The following PRPF18 variants were observed in gnomAD, a reference collection of about 807,000 sequenced individuals.
The protein encoded by PRPF18 is pre-mRNA-splicing factor 18.
In PRPF18, 38 loss-of-function variants were observed where a neutral mutation model predicts 46.5. The observed-to-expected ratio is 0.82, with a 90% CI of 0.63 to 1.07. The LOEUF is 1.07. PRPF18 is among the 50% of genes least tolerant of loss of function. The probability of loss-of-function intolerance (pLI) is 0.00; values close to 1 mark genes in which losing one functional copy is unlikely to be tolerated. For missense variants in PRPF18, 263 were observed against 410.0 expected, an observed-to-expected ratio of 0.64 and a Z score of 3.10; for synonymous variants, 152 against 146.7, an observed-to-expected ratio of 1.04 and a Z score of -0.26.
chr10:13,613,816 A>G lies in PRPF18; in HGVS notation c.655A>G (p.Asn219Asp), dbSNP rs779059451. The G allele has an allele frequency of 2.5e-6, 4 of 1,614,142 alleles. No individual in the cohort carries two copies. The South Asian group carries it at 4.4e-5, about 18-fold the overall frequency. ...YVKRSVQGKL[N>D]SATQKQTESY... ...GAAACGCAGTGTGCAGGGTAAACTG[A>G]ACAGTGCGACCCAGAAACAGACCGA... Residue 219 changes from asparagine (N) to aspartate (D), a missense_variant, in exon 7 of 10, where the codon AAC (asparagine) becomes GAC (aspartate). Transcript: ENST00000378572.
intron 4 of PRPF18, among the ~76,000 whole-genome samples, chr10:13,607,304 C>T (rs2080203482): frequency 6.6e-6 from 1 of 151,972 alleles, no homozygotes; most frequent in Non-Finnish European, 1.5e-5. Flanking sequence ...TTTGTATATT[C>T]TGGATAGAAG....
intron 1 of PRPF18, among the ~76,000 whole-genome samples, chr10:13,590,406 G>C: frequency 6.7e-6 from 1 of 148,680 alleles, no homozygotes; most frequent in Admixed American, 6.7e-5. Context: ...GACCATCCTG[G>C]CTAACACGGT....
chr10:13,647,018 C>A, the PRPF18 span: 6 of 971,652 alleles, frequency 6.2e-6, no homozygotes, highest in Admixed American at 6.2e-5. Context: ...ATCCAGGAAA[C>A]AGCTATCATT....
intron 8 of PRPF18, among the ~76,000 whole-genome samples, chr10:13,614,366 G>A (rs954745508): frequency 2.0e-5 from 3 of 152,116 alleles, no homozygotes; most frequent in Non-Finnish European, 4.4e-5. Flanking sequence ...CTTTATATAG[G>A]CAGTGTTCAT....
chr10:13,621,016 C>T (rs1197149712), intron 9 of PRPF18, among the ~76,000 whole-genome samples: 1 of 152,170 alleles, frequency 6.6e-6, no homozygotes, highest in Non-Finnish European at 1.5e-5. Context: ...TAACCCCTGG[C>T]CCAGACTTTG....
rs1432824460 is a variant in PRPF18, at chr10:13,587,171, T to C, written c.66+19T>C. On this transcript the variant is annotated intron_variant, in intron 1 of 9. Coordinates refer to ENST00000378572, the MANE Select transcript of PRPF18 (RefSeq NM_003675.4). ...GCTGGTGGTGAGGACCCTGCGGTCG[T>C]GGGGGTCGGGATGTAAGAGTGAGAG... is the stretch of plus-strand genomic sequence containing the variant. 1 of 1,606,526 alleles carries C rather than the reference T, an allele frequency of 6.2e-7. No homozygotes were observed. Among genetic ancestry groups the C allele is most frequent in the African/African-American group, 1.3e-5 (1 of 74,530 alleles).
At chr10:13,653,110 G>A in the PRPF18 span, 1 of 152,006 alleles carries the variant, frequency 6.6e-6, no homozygotes, top group East Asian at 1.9e-4. Context: ...ATGTGTGTTA[G>A]AAGCTGCTCG....
the PRPF18 span, chr10:13,645,751 C>T: frequency 6.6e-6 from 1 of 152,518 alleles, no homozygotes; most frequent in African/African-American, 2.4e-5. Flanking sequence ...GAATAAGTGA[C>T]ACATAGGAGA....
the PRPF18 span, chr10:13,651,980 C>T: frequency 6.5e-7 from 1 of 1,535,112 alleles, no homozygotes; most frequent in Non-Finnish European, 9.0e-7. Flanking sequence ...CTTCTCTGAA[C>T]AAAGGAAAGC....
chr10:13,626,902 T>C (rs968573323), intron 9 of PRPF18, among the ~76,000 whole-genome samples: 1 of 152,124 alleles, frequency 6.6e-6, no homozygotes. Flanking sequence ...ATGTCAAAGC[T>C]TGATGGTTCT....
chr10:13,609,692 TG>T (rs1246130038), intron 4 of PRPF18, among the ~76,000 whole-genome samples: 1 of 152,190 alleles, frequency 6.6e-6, no homozygotes, highest in Non-Finnish European at 1.5e-5. Context: ...GCAAACGGGT[TG>T]GGGACTCTAA....
chr10:13,590,538 G>A (rs1007587683), intron 1 of PRPF18, among the ~76,000 whole-genome samples: 12 of 150,110 alleles, frequency 8.0e-5, no homozygotes, highest in Admixed American at 1.3e-4. Context: ...GGAGAATGGC[G>A]TGAACCCGGG....
At chr10:13,590,634 AAAAAT>A (rs1295001455) in intron 1 of PRPF18, among the ~76,000 whole-genome samples, 1 of 149,364 alleles carries the variant, frequency 6.7e-6, no homozygotes, top group Non-Finnish European at 1.5e-5. Flanking sequence ...AAAAAAAAAA[AAAAAT>A]ACTGACATTC....
At chr10:13,649,850 C>G in the PRPF18 span, among the ~76,000 whole-genome samples, 1 of 152,174 alleles carries the variant, frequency 6.6e-6, no homozygotes, top group South Asian at 2.1e-4. Context: ...AATGGGGCCA[C>G]TAAATAGTTG....
chr10:13,647,666 C>G, the PRPF18 span: 1 of 149,972 alleles, frequency 6.7e-6, no homozygotes, highest in Non-Finnish European at 1.5e-5. Flanking sequence ...AAATAACATG[C>G]ATTGTTTTGT....
rs150062159 is a variant in PRPF18 at position 13,592,400 on chromosome 10, T to G, written c.67-5058T>G. On this transcript the variant is annotated intron_variant, in intron 1 of 9. Transcript: ENST00000378572. ...CGGGTCAGGGATCAGTAGATTGTTG[T>G]CATTACCGCATCTGTAGCTGGAAAA... is the stretch of plus-strand genomic sequence containing the variant. 4.1e-4 allele frequency: 93 copies of G among 228,500 alleles called. No homozygotes were observed. The East Asian group carries it at 9.9e-3, about 24-fold the overall frequency. 14.2% of individuals were successfully genotyped at this position (228,500 alleles called of 1,614,324 possible).
At chr10:13,621,461 A>T (rs931921045) in intron 9 of PRPF18, among the ~76,000 whole-genome samples, 3 of 152,090 alleles carry the variant, frequency 2.0e-5, no homozygotes, top group African/African-American at 7.2e-5. Flanking sequence ...GGCTGTCTCC[A>T]TACAGCTACC....
chr10:13,597,692 A>T (rs1422239323), intron 2 of PRPF18, 157 bp downstream of exon 2: 1 of 1,585,636 alleles, frequency 6.3e-7, no homozygotes, highest in Admixed American at 1.7e-5. Flanking sequence ...TTGTTTTTGC[A>T]TTTTTAAAAA....
At chr10:13,603,626 C>T (rs1485231810) in intron 3 of PRPF18, among the ~76,000 whole-genome samples, 1 of 152,120 alleles carries the variant, frequency 6.6e-6, no homozygotes, top group East Asian at 1.9e-4. Context: ...CATCTTTCAT[C>T]TTTGAGTCCT....
Sources: allele counts gnomAD v4.1 joint callset (sites outside exome capture counted in the v4.1 genomes callset), GRCh38; gene constraint gnomAD v4.1.1; transcripts MANE v1.5; gene names NCBI Gene and HGNC (gene_info 2026-07-23, HGNC 2026-07-21).